Variants in SH3RF3 observed in about 807,000 individuals in gnomAD.
The protein encoded by SH3RF3 is E3 ubiquitin-protein ligase SH3RF3.
Under a neutral mutation model 66.3 loss-of-function variants are expected in SH3RF3, and 29 were observed. That is an observed-to-expected ratio of 0.44 (90% confidence interval 0.33 to 0.60). The LOEUF is 0.60. Among genes scored for constraint, SH3RF3 ranks in the 20% least tolerant of loss-of-function variants. The pLI, the probability that SH3RF3 is intolerant of heterozygous loss-of-function variation, is 0.04. For missense variants in SH3RF3, 1,194 were observed against 1,190.9 expected, an observed-to-expected ratio of 1.00 and a Z score of -0.04; for synonymous variants, 583 against 532.0, an observed-to-expected ratio of 1.10 and a Z score of -1.32.
intron 1 of SH3RF3, among the ~76,000 whole-genome samples, chr2:109,181,011 T>C (rs1678060357): frequency 2.0e-5 from 3 of 152,158 alleles, no homozygotes; most frequent in Admixed American, 1.3e-4. Flanking sequence ...TACTTACCAA[T>C]TTTCCCCTTC....
intron 2 of SH3RF3, among the ~76,000 whole-genome samples, chr2:109,356,017 A>T (rs1682938860): frequency 6.6e-6 from 1 of 152,156 alleles, no homozygotes. Context: ...CACCAGATTT[A>T]TGCTGGTAGC....
chr2:109,276,034 G>T (rs1432018878), intron 1 of SH3RF3, among the ~76,000 whole-genome samples: 13 of 152,218 alleles, frequency 8.5e-5, no homozygotes, highest in Non-Finnish European at 1.5e-5. Context: ...TCATGGTTCA[G>T]TTGGCAGAGA....
intron 4 of SH3RF3, among the ~76,000 whole-genome samples, chr2:109,418,733 G>T (rs1203958088): frequency 6.6e-6 from 1 of 152,168 alleles, no homozygotes; most frequent in Admixed American, 6.5e-5. Flanking sequence ...TCTTTGAGAG[G>T]TACACAGGTC....
intron 4 of SH3RF3, among the ~76,000 whole-genome samples, chr2:109,411,134 C>A (rs1486921121): frequency 1.3e-5 from 2 of 152,212 alleles, no homozygotes; most frequent in Admixed American, 6.5e-5. Flanking sequence ...GCAAGGAGCC[C>A]TCAAGTCCCT....
At chr2:109,130,382 T>C (rs1676661706) in intron 1 of SH3RF3, among the ~76,000 whole-genome samples, 1 of 152,220 alleles carries the variant, frequency 6.6e-6, no homozygotes. Context: ...TGGCCGGACT[T>C]GTTACCCTGC....
intron 1 of SH3RF3, among the ~76,000 whole-genome samples, chr2:109,222,952 C>T (rs753823709): frequency 1.3e-5 from 2 of 152,242 alleles, no homozygotes. Flanking sequence ...CCTGGGGCTA[C>T]GGTCCCCATA....
intron 1 of SH3RF3, among the ~76,000 whole-genome samples, chr2:109,309,972 A>C (rs1681688782): frequency 7.9e-6 from 1 of 126,386 alleles, no homozygotes; most frequent in South Asian, 2.6e-4. Flanking sequence ...AATTGAACTC[A>C]GCTCTGCACC....
chr2:109,325,208 C>T (rs1682123790), intron 1 of SH3RF3, among the ~76,000 whole-genome samples: 1 of 152,098 alleles, frequency 6.6e-6, no homozygotes, highest in African/African-American at 2.4e-5. Context: ...TCACTTCATC[C>T]CTCCAGCTGG....
chr2:109,322,437 C>G (rs1382192509), intron 1 of SH3RF3, among the ~76,000 whole-genome samples: 1 of 152,144 alleles, frequency 6.6e-6, no homozygotes, highest in African/African-American at 2.4e-5. Flanking sequence ...GGTGAGTTGT[C>G]TTTGCCTGAG....
intron 1 of SH3RF3, among the ~76,000 whole-genome samples, chr2:109,307,956 G>A (rs1338402321): frequency 3.0e-3 from 400 of 134,916 alleles, no homozygotes; most frequent in Middle Eastern, 0.016. Flanking sequence ...GGATGGCTGG[G>A]TCAAATGGTA....
chr2:109,401,794 C>T (rs953124943), intron 4 of SH3RF3, among the ~76,000 whole-genome samples: 1 of 152,188 alleles, frequency 6.6e-6, no homozygotes, highest in African/African-American at 2.4e-5. Flanking sequence ...TTAAAACAAG[C>T]AGAGGGAACC....
chr2:109,195,226 C>T (rs558985214), intron 1 of SH3RF3, among the ~76,000 whole-genome samples: 44 of 152,232 alleles, frequency 2.9e-4, no homozygotes, highest in Non-Finnish European at 3.7e-4. Flanking sequence ...AGGACTAGGA[C>T]TAGGACTGCC....
intron 2 of SH3RF3, among the ~76,000 whole-genome samples, chr2:109,366,748 G>A (rs956099744): frequency 2.6e-5 from 4 of 152,212 alleles, no homozygotes; most frequent in Non-Finnish European, 5.9e-5. Flanking sequence ...AGCTACTCAG[G>A]AGGCTGAGGA....
chr2:109,491,995 T>C (rs150532509), intron 9 of SH3RF3, among the ~76,000 whole-genome samples: 17,585 of 152,068 alleles, frequency 0.12, 1,500 homozygotes, highest in East Asian at 0.27. Context: ...TATTCTTCTG[T>C]ATAGTTTTCT....
chr2:109,178,282 T>C (rs1287978674), intron 1 of SH3RF3, among the ~76,000 whole-genome samples: 1 of 152,236 alleles, frequency 6.6e-6, no homozygotes, highest in African/African-American at 2.4e-5. Flanking sequence ...GCCTCTTTGC[T>C]TTAATTTTTA....
chr2:109,306,382 T>G (rs1355752505), intron 1 of SH3RF3, among the ~76,000 whole-genome samples: 2 of 152,232 alleles, frequency 1.3e-5, no homozygotes, highest in Admixed American at 1.3e-4. Flanking sequence ...GCAGAGTGCT[T>G]GGAGATTCCT....
intron 9 of SH3RF3, among the ~76,000 whole-genome samples, chr2:109,501,229 G>GGA (rs1679376822): frequency 6.6e-6 from 1 of 152,158 alleles, no homozygotes; most frequent in Non-Finnish European, 1.5e-5. Flanking sequence ...GCTGTGCTTG[G>GGA]GTGGAGAATC....
At chr2:109,205,793 G>A (rs1484176638) in intron 1 of SH3RF3, among the ~76,000 whole-genome samples, 2 of 152,188 alleles carry the variant, frequency 1.3e-5, no homozygotes, top group Non-Finnish European at 2.9e-5. Context: ...GAAGCAGCGG[G>A]GGGATCAGAG....
intron 8 of SH3RF3, among the ~76,000 whole-genome samples, chr2:109,484,144 G>A (rs1191232598): frequency 6.7e-6 from 1 of 148,346 alleles, no homozygotes; most frequent in Non-Finnish European, 1.5e-5. Context: ...TCTTGTCACT[G>A]CAACCTCTGC....
Sources: gnomAD v4.1 joint callset for allele counts (sites outside exome capture counted in the v4.1 genomes callset) on GRCh38, gnomAD v4.1.1 for gene constraint, MANE v1.5 for transcripts, NCBI Gene and HGNC (gene_info 2026-07-23, HGNC 2026-07-21) for gene names.